BMPR1B: variants seen among roughly 807,000 people sequenced by gnomAD.
BMPR1B encodes the protein bone morphogenetic protein receptor type 1B.
A neutral mutation model predicts 59.1 loss-of-function variants in BMPR1B; 12 were observed. The ratio of observed to expected loss-of-function variants is 0.20; its 90% CI spans 0.13 to 0.33. The LOEUF is 0.33. Ranked by LOEUF, BMPR1B falls within the 10% of genes least tolerant of loss-of-function variation. The probability of loss-of-function intolerance (pLI) is 1.00; values close to 1 mark genes in which losing one functional copy is unlikely to be tolerated. For synonymous variants in BMPR1B, 237 were observed against 207.3 expected, an observed-to-expected ratio of 1.14 and a Z score of -1.23; for missense variants, 550 against 610.9, an observed-to-expected ratio of 0.90 and a Z score of 1.05.
chr4:95,059,981 A>G (rs1298976920), intron 3 of BMPR1B, among the ~76,000 whole-genome samples: 2 of 152,204 alleles, frequency 1.3e-5, no homozygotes, highest in South Asian at 4.1e-4. Flanking sequence ...TTCATTGAGC[A>G]CTGGCTGAGC....
intron 2 of BMPR1B, among the ~76,000 whole-genome samples, chr4:94,965,655 G>T (rs561345512): frequency 6.6e-6 from 1 of 152,260 alleles, no homozygotes; most frequent in East Asian, 1.9e-4. Flanking sequence ...TTTGTTAAAG[G>T]TTTTCAAATT....
intron 3 of BMPR1B, among the ~76,000 whole-genome samples, chr4:95,099,712 G>C (rs144897336): frequency 6.6e-6 from 1 of 152,012 alleles, no homozygotes; most frequent in Non-Finnish European, 1.5e-5. Flanking sequence ...TCCTTTCCGC[G>C]TAGCAACTAC....
chr4:95,049,445 T>G lies in BMPR1B; in HGVS notation c.-18+53311T>G, dbSNP rs1406906762. Among the ~76,000 whole-genome samples the G allele has an allele frequency of 1.1e-3, 61 of 57,840 alleles. 1 individual carries two copies. Among genetic ancestry groups the G allele is most frequent in the African/African-American group, 3.3e-3 (56 of 17,080 alleles). 37.9% of individuals were successfully genotyped at this position (57,840 alleles called of 152,430 possible). ...TTTTTTTTTTTTTTTTTTTTTTTTT[T>G]TTTTTTTTTTTTTTTTTTTTTTTTT... On this transcript the variant is annotated intron_variant, in intron 3 of 12. Coordinates refer to ENST00000515059, the MANE Select transcript of BMPR1B (RefSeq NM_001203.3).
At position 95,111,531 on chromosome 4, in the gene BMPR1B, A is replaced by G. The variant is rs530726375; in HGVS notation, c.144-3189A>G. On this transcript the variant is annotated intron_variant, in intron 4 of 12. Transcript: ENST00000515059. Reference sequence around the variant, plus strand: ...ACAACTAATGAATGAGTTGGGTTCCAGAAGGCTATATTATAAATCTGTTTT... The same window carrying G: ...ACAACTAATGAATGAGTTGGGTTCCGGAAGGCTATATTATAAATCTGTTTT... 5.9e-5 allele frequency among the ~76,000 whole-genome samples: 9 copies of G among 152,266 alleles called. No homozygotes were observed. The South Asian group carries it at 6.2e-4, about 10-fold the overall frequency.
At chr4:94,783,274 G>A (rs1039961307) in intron 1 of BMPR1B, among the ~76,000 whole-genome samples, 2 of 152,056 alleles carry the variant, frequency 1.3e-5, no homozygotes, top group Non-Finnish European at 2.9e-5. Context: ...TTTTGAGGCC[G>A]GTGTTTGAGG....
chr4:95,137,644 C>T (rs1733899184), intron 10 of BMPR1B, among the ~76,000 whole-genome samples: 1 of 152,002 alleles, frequency 6.6e-6, no homozygotes, highest in Non-Finnish European at 1.5e-5. Context: ...TGAATTGATC[C>T]CTTTACCATT....
chr4:95,144,475 G>A (rs1230138901), intron 10 of BMPR1B, among the ~76,000 whole-genome samples: 1 of 101,876 alleles, frequency 9.8e-6, no homozygotes, highest in Non-Finnish European at 2.2e-5. Context: ...CACCACACCA[G>A]GCCTTTTTTT....
chr4:95,110,997 T>C (rs991596619), intron 4 of BMPR1B, among the ~76,000 whole-genome samples: 2 of 152,174 alleles, frequency 1.3e-5, no homozygotes, highest in Non-Finnish European at 2.9e-5. Flanking sequence ...ATAGATATTT[T>C]AGAAGAAAAG....
intron 2 of BMPR1B, among the ~76,000 whole-genome samples, chr4:94,910,627 G>A (rs1728236066): frequency 6.6e-6 from 1 of 152,012 alleles, no homozygotes; most frequent in Non-Finnish European, 1.5e-5. Context: ...AAAATTTCAG[G>A]CCAGGTATGG....
At chr4:94,780,331 A>G (rs1472113446) in intron 1 of BMPR1B, among the ~76,000 whole-genome samples, 1 of 152,192 alleles carries the variant, frequency 6.6e-6, no homozygotes, top group Non-Finnish European at 1.5e-5. Flanking sequence ...AGGTTCATCC[A>G]TATTGTAGCA....
intron 10 of BMPR1B, among the ~76,000 whole-genome samples, chr4:95,140,303 G>A (rs1041909496): frequency 2.0e-5 from 3 of 152,118 alleles, no homozygotes; most frequent in African/African-American, 7.2e-5. Flanking sequence ...ATGGAACACA[G>A]GATGAAGGAA....
intron 1 of BMPR1B, among the ~76,000 whole-genome samples, chr4:94,810,121 C>G (rs1460660728): frequency 1.3e-5 from 2 of 152,168 alleles, no homozygotes; most frequent in African/African-American, 4.8e-5. Context: ...TAGGCTGTTG[C>G]TATCTATCCA....
At chr4:95,139,768 G>A (rs1734083723) in intron 10 of BMPR1B, among the ~76,000 whole-genome samples, 1 of 152,200 alleles carries the variant, frequency 6.6e-6, no homozygotes, top group South Asian at 2.1e-4. Context: ...TGTGCCGTTT[G>A]CTAAGACTGT....
In BMPR1B at chr4:95,155,694, TTA is replaced by T. The variant is rs1469241515; in HGVS notation, c.*1027_*1028del. 1 of 151,924 alleles carries T rather than the reference TTA, an allele frequency of 6.6e-6. No homozygotes were observed. The highest frequency in any genetic ancestry group is 6.6e-5 in the Admixed American group (1 of 15,256). The allele number at this position is 151,924 out of a possible 1,614,324, so 9.4% of individuals were successfully genotyped here. ...GGTGATCGTGCAGATGGCTTGTATC[TTA>T]TATATGCAAAGGAGCCAATCTCAGA... On this transcript the variant is annotated 3_prime_UTR_variant, in exon 13 of 13. Transcript: ENST00000515059.
At chr4:94,805,316 T>C (rs1164711488) in intron 1 of BMPR1B, among the ~76,000 whole-genome samples, 4 of 151,436 alleles carry the variant, frequency 2.6e-5, no homozygotes, top group Non-Finnish European at 5.9e-5. Context: ...ACACTGACAC[T>C]CAGGGAATCT....
At chr4:95,040,776 G>A (rs138242424) in intron 3 of BMPR1B, among the ~76,000 whole-genome samples, 2 of 152,172 alleles carry the variant, frequency 1.3e-5, no homozygotes, top group East Asian at 3.9e-4. Context: ...CCTTACAAGC[G>A]GGACAAATGA....
At chr4:94,920,732 T>C (rs1029030648) in intron 2 of BMPR1B, among the ~76,000 whole-genome samples, 8 of 152,200 alleles carry the variant, frequency 5.3e-5, no homozygotes, top group African/African-American at 1.9e-4. Context: ...GTGACCCCTA[T>C]TTCAGAGAAT....
intron 1 of BMPR1B, among the ~76,000 whole-genome samples, chr4:94,843,395 C>T (rs994062128): frequency 3.3e-5 from 5 of 152,142 alleles, no homozygotes; most frequent in Admixed American, 6.5e-5. Flanking sequence ...CCCAGAAGCT[C>T]ACATCTGTGC....
chr4:94,998,103 G>A (rs1722185579), intron 3 of BMPR1B, among the ~76,000 whole-genome samples: 1 of 152,114 alleles, frequency 6.6e-6, no homozygotes, highest in African/African-American at 2.4e-5. Flanking sequence ...TTTGTTTGAA[G>A]ACTGGTTGAG....
Sources: gnomAD v4.1 joint callset for allele counts (sites outside exome capture counted in the v4.1 genomes callset) on GRCh38, gnomAD v4.1.1 for gene constraint, MANE v1.5 for transcripts, NCBI Gene and HGNC (gene_info 2026-07-23, HGNC 2026-07-21) for gene names.